The following CYP2C19 variants were observed in gnomAD, a reference collection of about 807,000 sequenced individuals.
CYP2C19 encodes cytochrome P450 family 2 subfamily C member 19.
Under a neutral mutation model 40.9 loss-of-function variants are expected in CYP2C19, and 59 were observed. The ratio of observed to expected loss-of-function variants is 1.44; its 90% CI spans 1.17 to 1.79. The LOEUF is 1.79. Among genes scored for constraint, CYP2C19 ranks in the 40% most tolerant of loss-of-function variants. The probability of loss-of-function intolerance (pLI) is 0.00; values close to 1 mark genes in which losing one functional copy is unlikely to be tolerated. For missense variants in CYP2C19, 754 were observed against 596.9 expected (o/e 1.26, Z -2.74); for synonymous variants, 253 against 208.7 (o/e 1.21, Z -1.83).
chr10:94,796,825 T>A (rs184441585), intron 5 of CYP2C19, among the ~76,000 whole-genome samples: 1 of 152,282 alleles, frequency 6.6e-6, no homozygotes, highest in African/African-American at 2.4e-5. Context: ...TGCTTGTGAA[T>A]TTTGTACATT....
chr10:94,769,564 G>A (rs573865632), intron 1 of CYP2C19, among the ~76,000 whole-genome samples: 4 of 152,308 alleles, frequency 2.6e-5, no homozygotes, highest in Admixed American at 2.0e-4. Flanking sequence ...TCATTGATGA[G>A]TATAAGATCT....
chr10:94,793,754 G>T (rs1157989272), intron 5 of CYP2C19, among the ~76,000 whole-genome samples: 1 of 152,152 alleles, frequency 6.6e-6, no homozygotes, highest in Non-Finnish European at 1.5e-5. Flanking sequence ...GCTGTATGGG[G>T]TGTCAGTCGG....
intron 6 of CYP2C19, among the ~76,000 whole-genome samples, chr10:94,826,288 G>T (rs918162207): frequency 1.3e-5 from 2 of 152,096 alleles, no homozygotes; most frequent in African/African-American, 4.8e-5. Flanking sequence ...TCCGACCCAT[G>T]AGCATGGAAT....
chr10:94,844,130 G>A (rs759913565), intron 7 of CYP2C19, among the ~76,000 whole-genome samples: 8 of 152,114 alleles, frequency 5.3e-5, no homozygotes, highest in African/African-American at 1.4e-4. Flanking sequence ...AGTGAGAAAT[G>A]TTTCCTAATG....
intron 6 of CYP2C19, among the ~76,000 whole-genome samples, chr10:94,821,566 T>A (rs879433068): frequency 6.6e-6 from 1 of 152,190 alleles, no homozygotes; most frequent in Non-Finnish European, 1.5e-5. Flanking sequence ...TTCTGTGAAA[T>A]TGGTGTTGGA....
chr10:94,765,541 C>G (rs1438673592), intron 1 of CYP2C19, among the ~76,000 whole-genome samples: 1 of 152,006 alleles, frequency 6.6e-6, no homozygotes, highest in Non-Finnish European at 1.5e-5. Context: ...CTGAGTGGCT[C>G]CGTGTGTTCT....
intron 7 of CYP2C19, 141 bp from the exon 8 acceptor site, chr10:94,849,776 C>A: frequency 9.7e-7 from 1 of 1,033,984 alleles, no homozygotes; most frequent in Non-Finnish European, 1.5e-6. Flanking sequence ...CTTCGTCTAT[C>A]TGTCTGGAAA....
chr10:94,801,094 TC>T (rs919730932), intron 5 of CYP2C19, among the ~76,000 whole-genome samples: 16 of 152,198 alleles, frequency 1.1e-4, no homozygotes, highest in African/African-American at 3.9e-4. Context: ...TCACTTGTCT[TC>T]TGCCTCAATC....
intron 5 of CYP2C19, among the ~76,000 whole-genome samples, chr10:94,802,496 C>G (rs1848780642): frequency 6.6e-6 from 1 of 152,082 alleles, no homozygotes; most frequent in Admixed American, 6.6e-5. Context: ...TGAGATGGGT[C>G]TCCTGAATAC....
Position 94,788,888 on chromosome 10 carries a change from T to A in CYP2C19, c.819+6891T>A, listed in dbSNP as rs549653015. On this transcript the variant is annotated intron_variant, in intron 5 of 8. Transcript: ENST00000371321. ...AGTAATGGGATTGCTGGGTCAAATGTTATTTCTAGTTCTAGATCCTTGAGG... is the reference window on the plus strand; with the variant it reads ...AGTAATGGGATTGCTGGGTCAAATGATATTTCTAGTTCTAGATCCTTGAGG... Among the ~76,000 whole-genome samples the A allele has an allele frequency of 3.1e-3, 473 of 152,156 alleles. 3 individuals are homozygous for A. Among genetic ancestry groups the A allele is most frequent in the African/African-American group, 0.011 (450 of 41,536 alleles).
At chr10:94,764,659 A>G (rs531641665) in intron 1 of CYP2C19, among the ~76,000 whole-genome samples, 64 of 152,236 alleles carry the variant, frequency 4.2e-4, no homozygotes, top group Admixed American at 2.5e-3. Flanking sequence ...TCTTTAGGCC[A>G]GTGAAAGGGC....
At chr10:94,774,871 C>T (rs150938675) in intron 1 of CYP2C19, 187 bp from the exon 2 acceptor site, 7 of 637,150 alleles carry the variant, frequency 1.1e-5, no homozygotes, top group South Asian at 2.0e-5. Context: ...TTGCCTTGAA[C>T]ATCATAGGCC....
At chr10:94,786,795 T>C (rs1848548091) in intron 5 of CYP2C19, among the ~76,000 whole-genome samples, 1 of 152,154 alleles carries the variant, frequency 6.6e-6, no homozygotes, top group Non-Finnish European at 1.5e-5. Context: ...GCATTAATTC[T>C]CTCAAGACAA....
intron 7 of CYP2C19, among the ~76,000 whole-genome samples, chr10:94,846,858 T>G (rs1388955711): frequency 1.3e-5 from 2 of 151,734 alleles, no homozygotes; most frequent in Non-Finnish European, 2.9e-5. Flanking sequence ...ATGATTAATC[T>G]GTAATGAATA....
chr10:94,821,223 G>A (rs1489977999), intron 6 of CYP2C19, among the ~76,000 whole-genome samples: 4 of 152,284 alleles, frequency 2.6e-5, no homozygotes, highest in South Asian at 2.1e-4. Flanking sequence ...GGATTTCATC[G>A]ACAGTGACTT....
intron 5 of CYP2C19, among the ~76,000 whole-genome samples, chr10:94,782,313 A>C (rs1034858755): frequency 6.6e-6 from 1 of 152,100 alleles, no homozygotes; most frequent in African/African-American, 2.4e-5. Context: ...ATTTAAAAGA[A>C]AATAAAAAAC....
intron 6 of CYP2C19, among the ~76,000 whole-genome samples, chr10:94,834,842 A>T (rs527808354): frequency 5.3e-5 from 8 of 152,258 alleles, no homozygotes; most frequent in African/African-American, 1.9e-4. Context: ...CTTCCCAGGT[A>T]GGCTTAGGGA....
chr10:94,796,226 G>T (rs1194529423), intron 5 of CYP2C19, among the ~76,000 whole-genome samples: 1 of 152,152 alleles, frequency 6.6e-6, no homozygotes, highest in African/African-American at 2.4e-5. Flanking sequence ...TGGCTAGCCA[G>T]TTTTCCCAGC....
intron 7 of CYP2C19, among the ~76,000 whole-genome samples, chr10:94,849,503 T>C (rs1433161082): frequency 6.6e-6 from 1 of 152,030 alleles, no homozygotes; most frequent in Non-Finnish European, 1.5e-5. Flanking sequence ...CATTATACTT[T>C]AAGTTTTAGG....
Sources: allele counts gnomAD v4.1 joint callset (sites outside exome capture counted in the v4.1 genomes callset), GRCh38; gene constraint gnomAD v4.1.1; transcripts MANE v1.5; gene names NCBI Gene and HGNC (gene_info 2026-07-23, HGNC 2026-07-21).